Variants in DDX59 observed in about 807,000 individuals in gnomAD.
The protein encoded by DDX59 is DEAD-box helicase 59, also known as probable ATP-dependent RNA helicase DDX59.
Under a neutral mutation model 51.9 loss-of-function variants are expected in DDX59, and 30 were observed. That is an observed-to-expected ratio of 0.58 (90% CI 0.43 to 0.78). The LOEUF (loss-of-function observed/expected upper bound fraction) is 0.78. DDX59 is among the 30% of genes least tolerant of loss of function. The probability of loss-of-function intolerance (pLI) is 0.00; values close to 1 mark genes in which losing one functional copy is unlikely to be tolerated. For synonymous variants in DDX59, 255 were observed against 253.3 expected, an observed-to-expected ratio of 1.01 and a Z score of -0.06; for missense variants, 672 against 730.8, an observed-to-expected ratio of 0.92 and a Z score of 0.93.
intron 4 of DDX59, among the ~76,000 whole-genome samples, chr1:200,655,383 T>G (rs928504452): frequency 5.9e-5 from 9 of 152,146 alleles, no homozygotes; most frequent in Non-Finnish European, 4.4e-5. Flanking sequence ...CTGTCTGGAT[T>G]GCTGGCTGCT....
At chr1:200,647,891 T>C (rs1407162781) in intron 7 of DDX59, among the ~76,000 whole-genome samples, 1 of 151,628 alleles carries the variant, frequency 6.6e-6, no homozygotes, top group Non-Finnish European at 1.5e-5. Flanking sequence ...CAAGGATCCC[T>C]TGAACCTGGG....
intron 3 of DDX59, among the ~76,000 whole-genome samples, chr1:200,659,885 T>C (rs1452282323): frequency 2.6e-5 from 4 of 152,168 alleles, no homozygotes; most frequent in Non-Finnish European, 5.9e-5. Context: ...AAGGTCTCTA[T>C]GCTACCCAGG....
Position 200,669,867 on chromosome 1 carries a change from C to G in DDX59, c.-112G>C, listed in dbSNP as rs1312133699. ...TCCGCCCGACAAGCCCTGACCCGCT[C>G]GTCAGGACTGCGGCCCGGGGTTGGT... On this transcript the variant is annotated 5_prime_UTR_variant, in exon 1 of 8. Transcript: ENST00000331314. 2.6e-5 allele frequency: 4 copies of G among 151,158 alleles called. No individual in the cohort carries two copies. The highest frequency in any genetic ancestry group is 4.4e-5 in the Non-Finnish European group (3 of 67,950). The allele number at this position is 151,158 out of a possible 1,614,324, so 9.4% of individuals were successfully genotyped here. A position where few individuals can be genotyped will look rare whatever the true frequency, so the allele number is the denominator to read the frequency against.
At chr1:200,649,711 C>T (rs1357779837) in intron 5 of DDX59, among the ~76,000 whole-genome samples, 2 of 151,296 alleles carry the variant, frequency 1.3e-5, no homozygotes, top group Non-Finnish European at 2.9e-5. Context: ...TATGCACAAA[C>T]AGAAGCCAGT....
At chr1:200,665,123 T>C (rs889080900) in intron 2 of DDX59, among the ~76,000 whole-genome samples, 1 of 152,216 alleles carries the variant, frequency 6.6e-6, no homozygotes, top group African/African-American at 2.4e-5. Flanking sequence ...TAAGGTATGG[T>C]AGTGATTATT....
intron 4 of DDX59, among the ~76,000 whole-genome samples, chr1:200,653,215 G>C (rs1661782521): frequency 6.6e-6 from 1 of 152,208 alleles, no homozygotes; most frequent in Non-Finnish European, 1.5e-5. Context: ...CCGAACTCAA[G>C]TGGTAGAAAC....
intron 3 of DDX59, among the ~76,000 whole-genome samples, chr1:200,662,574 TG>T (rs1198002682): frequency 6.6e-5 from 10 of 152,174 alleles, no homozygotes; most frequent in African/African-American, 2.4e-4. Flanking sequence ...AAGAATCGCT[TG>T]AACCTGGGAG....
chr1:200,661,928 T>C (rs1662400050), intron 3 of DDX59, among the ~76,000 whole-genome samples: 1 of 152,184 alleles, frequency 6.6e-6, no homozygotes, highest in Non-Finnish European at 1.5e-5. Flanking sequence ...ACCCTTCCCC[T>C]TGGTGCTGTC....
chr1:200,663,283 A>C (rs115326591), intron 3 of DDX59, among the ~76,000 whole-genome samples: 2,594 of 152,296 alleles, frequency 0.017, 76 homozygotes, highest in African/African-American at 0.058. Flanking sequence ...GCTGCAGTCT[A>C]TTTTGATTGG....
chr1:200,665,285 G>A (rs1330374908), intron 2 of DDX59, among the ~76,000 whole-genome samples: 2 of 151,974 alleles, frequency 1.3e-5, no homozygotes, highest in African/African-American at 4.8e-5. Context: ...GAGAAACACT[G>A]TCTCTACTAA....
rs147441430 is a variant in DDX59, at chr1:200,650,636, A to G, written c.1103T>C (p.Leu368Pro). The G allele has an allele frequency of 4.5e-5, 72 of 1,613,642 alleles. No homozygotes were observed. The highest frequency in any genetic ancestry group is 4.8e-5 in the Non-Finnish European group (57 of 1,179,748). ...MLKMGFQQQVLDILENIPNDC... is the reference protein window; with the variant it reads ...MLKMGFQQQVPDILENIPNDC... ...ATTAGGAATGTTTTCCAAAATGTCAAGCACTTGTTGTTGAAAACCCATCTT... is the reference window on the plus strand; with the variant it reads ...ATTAGGAATGTTTTCCAAAATGTCAGGCACTTGTTGTTGAAAACCCATCTT... The change falls in exon 5 of 8, where the codon CTT becomes CCT. Residue 368 changes from leucine (L) to proline (P), a missense_variant. By Grantham distance (98) the Leu-to-Pro change is moderately conservative (BLOSUM62 -3). Transcript: ENST00000331314.
chr1:200,665,786 T>C (rs1662686477), intron 2 of DDX59, 151 bp downstream of exon 2: 1 of 739,752 alleles, frequency 1.4e-6, no homozygotes, highest in Admixed American at 3.4e-5. Flanking sequence ...TACAAACTAC[T>C]ATCAGAAGCA....
chr1:200,661,260 A>G (rs1662356000), intron 3 of DDX59, among the ~76,000 whole-genome samples: 1 of 152,220 alleles, frequency 6.6e-6, no homozygotes, highest in South Asian at 2.1e-4. Context: ...AAACCTTTGA[A>G]TAACAGGAAG....
At chr1:200,651,950 G>A (rs1242562621) in intron 4 of DDX59, among the ~76,000 whole-genome samples, 1 of 146,508 alleles carries the variant, frequency 6.8e-6, no homozygotes, top group Non-Finnish European at 1.5e-5. Context: ...GGAGCTTGCA[G>A]TGAGCCGAGA....
intron 5 of DDX59, among the ~76,000 whole-genome samples, chr1:200,649,431 A>G (rs1661507509): frequency 6.6e-6 from 1 of 152,014 alleles, no homozygotes; most frequent in South Asian, 2.1e-4. Flanking sequence ...GTTCGAGACC[A>G]GCCTGGCCAA....
chr1:200,664,353 G>C (rs962880550), intron 2 of DDX59, among the ~76,000 whole-genome samples: 3 of 152,150 alleles, frequency 2.0e-5, no homozygotes, highest in Non-Finnish European at 4.4e-5. Context: ...GAAAACTGAA[G>C]GTTTGCTCCT....
chr1:200,663,824 T>C (rs1189919695), intron 3 of DDX59, 95 bp downstream of exon 3: 6 of 1,219,192 alleles, frequency 4.9e-6, no homozygotes, highest in Non-Finnish European at 6.5e-6. Context: ...CTCTCTAAAA[T>C]CATACTTTTA....
chr1:200,666,001 G>C lies in DDX59; in HGVS notation c.740C>G (p.Ala247Gly). 6.2e-7 allele frequency: 1 copy of C among 1,614,176 alleles called. No individual in the cohort carries two copies. Among genetic ancestry groups the C allele is most frequent in the Non-Finnish European group, 8.5e-7 (1 of 1,180,024 alleles). The change falls in exon 2 of 8, where the codon GCA (alanine) becomes GGA (glycine). Residue 247 changes from alanine (A) to glycine (G), a missense_variant. Physicochemically the swap from Ala to Gly is moderately conservative, Grantham distance 60 (BLOSUM62 0). Coordinates refer to ENST00000331314, the MANE Select transcript of DDX59 (RefSeq NM_001031725.6). The stretch of plus-strand genomic sequence containing the variant: ...AGCTGTTTTTCCTGAGCCAGTATCT[G>C]CACTGGCCAGAATGTCTCTTCCCAG... ...GLLGRDILAS[A>G]DTGSGKTAAF...
downstream of DDX59, chr1:200,641,187 T>C: frequency 7.7e-7 from 1 of 1,304,854 alleles, no homozygotes; most frequent in Non-Finnish European, 1.0e-6. Context: ...GTGAGTAGAC[T>C]GTATAACAAG....
Sources: allele counts gnomAD v4.1 joint callset (sites outside exome capture counted in the v4.1 genomes callset), GRCh38; gene constraint gnomAD v4.1.1; transcripts MANE v1.5; gene names NCBI Gene and HGNC (gene_info 2026-07-23, HGNC 2026-07-21).